The following ALPK2 variants were observed in gnomAD, a reference collection of about 807,000 sequenced individuals.
ALPK2 encodes the protein alpha-protein kinase 2.
ALPK2 carries 127 observed loss-of-function variants against 163.1 expected under a neutral mutation model. That is an observed-to-expected ratio of 0.78 (90% CI 0.67 to 0.90). The LOEUF (loss-of-function observed/expected upper bound fraction) is 0.90, where lower values mean the gene tolerates loss of function less well. Among genes scored for constraint, ALPK2 ranks in the 40% least tolerant of loss-of-function variants. ALPK2 has a pLI of 0.00. For synonymous variants in ALPK2, 953 were observed against 959.1 expected (o/e 0.99, Z 0.12); for missense variants, 2,360 against 2,589.6 (o/e 0.91, Z 1.92).
chr18:58,522,085 G>C (rs2051557633), intron 8 of ALPK2, among the ~76,000 whole-genome samples: 1 of 152,186 alleles, frequency 6.6e-6, no homozygotes, highest in Non-Finnish European at 1.5e-5. Context: ...TAAGATGCTA[G>C]TTCAATTAAC....
At chr18:58,613,466 G>A (rs150906367) in intron 1 of ALPK2, among the ~76,000 whole-genome samples, 7,054 of 152,090 alleles carry the variant, frequency 0.046, 196 homozygotes, top group African/African-American at 0.067. Context: ...AGGCTGAGGC[G>A]GGCGGATCAC....
intron 8 of ALPK2, among the ~76,000 whole-genome samples, chr18:58,520,377 C>T (rs1424007146): frequency 3.1e-5 from 4 of 130,376 alleles, no homozygotes; most frequent in Non-Finnish European, 4.6e-5. Flanking sequence ...TGCAGTGAGC[C>T]GAGATCTTGC....
rs79062318 is a variant in ALPK2, at chr18:58,554,349, C to T, written c.1963-16125G>A. On this transcript the variant is annotated intron_variant, in intron 4 of 12. Coordinates refer to ENST00000361673, the MANE Select transcript of ALPK2 (RefSeq NM_052947.4). ...TAAGAAATCTGCCACTCTTGTCTCT[C>T]TGACTGCAGGGGTTTGGAGAAGAAA... Among the ~76,000 whole-genome samples the T allele has an allele frequency of 3.0e-3, 456 of 152,334 alleles. 2 individuals are homozygous for T. The highest frequency in any genetic ancestry group is 0.01 in the African/African-American group (436 of 41,572).
intron 2 of ALPK2, among the ~76,000 whole-genome samples, chr18:58,611,164 GC>G (rs2052128465): frequency 6.6e-6 from 1 of 151,386 alleles, no homozygotes; most frequent in Non-Finnish European, 1.5e-5. Flanking sequence ...TCTATTCCCA[GC>G]TACTCGGGAG....
chr18:58,610,770 C>A (rs1393746544), intron 2 of ALPK2, among the ~76,000 whole-genome samples: 1 of 151,578 alleles, frequency 6.6e-6, no homozygotes, highest in Admixed American at 6.6e-5. Context: ...TGAACCACCC[C>A]CCTCCCCCCG....
At chr18:58,615,578 A>C (rs1414995069) in intron 1 of ALPK2, among the ~76,000 whole-genome samples, 1 of 152,270 alleles carries the variant, frequency 6.6e-6, no homozygotes, top group Non-Finnish European at 1.5e-5. Flanking sequence ...GCGTAGTATA[A>C]GGAAAGAGTT....
chr18:58,481,734 A>G lies in ALPK2; in HGVS notation c.*89T>C, dbSNP rs1407698967. ...GTAAGGATTGCCACGCACTCTCTGC[A>G]GGCTGTATATTCTCTCCTGTGTGGC... On this transcript the variant is annotated 3_prime_UTR_variant, in exon 13 of 13. Coordinates refer to ENST00000361673, the MANE Select transcript of ALPK2 (RefSeq NM_052947.4). 1 of 1,071,466 alleles carries G rather than the reference A, an allele frequency of 9.3e-7. No individual in the cohort carries two copies. Among genetic ancestry groups the G allele is most frequent in the African/African-American group, 1.6e-5 (1 of 63,336 alleles). The allele number at this position is 1,071,466 out of a possible 1,614,324, so 66.4% of individuals were successfully genotyped here.
chr18:58,497,705 T>C, intron 12 of ALPK2, among the ~76,000 whole-genome samples: 1 of 152,220 alleles, frequency 6.6e-6, no homozygotes, highest in East Asian at 1.9e-4. Context: ...AAGCTTTTAA[T>C]AGTGAAGATA....
chr18:58,519,683 T>G (rs2051539600), intron 8 of ALPK2, among the ~76,000 whole-genome samples: 1 of 152,182 alleles, frequency 6.6e-6, no homozygotes, highest in Non-Finnish European at 1.5e-5. Context: ...GACGTATTCT[T>G]TGTCTCTTGA....
Position 58,578,891 on chromosome 18 carries a change from T to A in ALPK2, c.1885A>T (p.Asn629Tyr). 1 of 1,614,182 alleles carries A rather than the reference T, an allele frequency of 6.2e-7. No individual in the cohort carries two copies. The highest frequency in any genetic ancestry group is 8.5e-7 in the Non-Finnish European group (1 of 1,180,020). ...TDSVSKEGNT[N>Y]CKGEGMQVNT... ...ACTTGCATGCCTTCTCCCTTGCAAT[T>A]TGTGTTGCCTTCTTTGGAGACTGAG... Residue 629 changes from asparagine (N) to tyrosine (Y), a missense_variant, in exon 4 of 13, where the codon AAT becomes TAT. Transcript: ENST00000361673.
intron 10 of ALPK2, among the ~76,000 whole-genome samples, chr18:58,507,367 G>T (rs2051467141): frequency 6.6e-6 from 1 of 152,168 alleles, no homozygotes. Flanking sequence ...CTCAAAAATG[G>T]CATGGGTTTT....
intron 1 of ALPK2, among the ~76,000 whole-genome samples, chr18:58,615,542 A>G (rs1025736591): frequency 6.6e-6 from 1 of 152,248 alleles, no homozygotes; most frequent in African/African-American, 2.4e-5. Context: ...TATCTGTTAC[A>G]TAATTAGTTT....
intron 12 of ALPK2, among the ~76,000 whole-genome samples, chr18:58,483,706 A>G (rs1224071908): frequency 1.4e-5 from 2 of 143,832 alleles, no homozygotes; most frequent in African/African-American, 5.2e-5. Flanking sequence ...ATCCACCACC[A>G]CACCCGGCTA....
intron 12 of ALPK2, among the ~76,000 whole-genome samples, chr18:58,492,634 G>A (rs551500596): frequency 2.6e-5 from 4 of 152,156 alleles, no homozygotes; most frequent in East Asian, 1.9e-4. Flanking sequence ...TTCTCTAGAC[G>A]TTCTCTCTGT....
rs116270839 is a variant in ALPK2, at chr18:58,624,096, G to A, written c.-21+4668C>T. On this transcript the variant is annotated intron_variant, in intron 1 of 12. Transcript: ENST00000361673. ...ATTCCTCACCCTTCCTGCTTTGTTGGCTCTGATTGGTCTAAACTGTGGTGC... is the reference window on the plus strand; with the variant it reads ...ATTCCTCACCCTTCCTGCTTTGTTGACTCTGATTGGTCTAAACTGTGGTGC... Among the ~76,000 whole-genome samples, 478 of 152,260 alleles carry A rather than the reference G, an allele frequency of 3.1e-3. 2 individuals carry two copies. The highest frequency in any genetic ancestry group is 0.011 in the African/African-American group (453 of 41,546).
chr18:58,535,202 AACTC>A lies in ALPK2; in HGVS notation c.4981_4984del (p.Glu1661Ter). The stretch of plus-strand genomic sequence containing the variant: ...CTGCAGTAATTTAGGGGCTTTCTCT[AACTC>A]ACGTTCTCCTGAAATAAATGCCAAG... On this transcript the variant is annotated frameshift_variant, in exon 5 of 13. Transcript: ENST00000361673. 6.2e-7 allele frequency: 1 copy of A among 1,614,004 alleles called. No homozygotes were observed. The highest frequency in any genetic ancestry group is 8.5e-7 in the Non-Finnish European group (1 of 1,180,006).
chr18:58,483,965 G>T (rs965617492), intron 12 of ALPK2, among the ~76,000 whole-genome samples: 3 of 152,096 alleles, frequency 2.0e-5, no homozygotes, highest in East Asian at 1.9e-4. Context: ...TTGTGGCACG[G>T]TCACACACAC....
intron 1 of ALPK2, among the ~76,000 whole-genome samples, chr18:58,618,886 A>G (rs1185949156): frequency 1.3e-5 from 2 of 152,172 alleles, no homozygotes; most frequent in African/African-American, 4.8e-5. Context: ...GGATCAGGGA[A>G]GAGGTCACAG....
intron 4 of ALPK2, among the ~76,000 whole-genome samples, chr18:58,542,577 G>A (rs2051695127): frequency 6.6e-6 from 1 of 152,210 alleles, no homozygotes; most frequent in Non-Finnish European, 1.5e-5. Context: ...TGTGATAGAA[G>A]AGTGCTATAA....
Sources: allele counts gnomAD v4.1 joint callset (sites outside exome capture counted in the v4.1 genomes callset), GRCh38; gene constraint gnomAD v4.1.1; transcripts MANE v1.5; gene names NCBI Gene and HGNC (gene_info 2026-07-23, HGNC 2026-07-21).